The following PHIP variants were observed in gnomAD, a reference collection of about 807,000 sequenced individuals.
PHIP encodes PH-interacting protein.
Under a neutral mutation model 236.8 loss-of-function variants are expected in PHIP, and 54 were observed. The observed-to-expected ratio is 0.23, with a 90% CI of 0.18 to 0.29. The LOEUF (loss-of-function observed/expected upper bound fraction) is 0.29. Among genes scored for constraint, PHIP ranks in the 10% least tolerant of loss-of-function variants. The pLI is 1.00. For synonymous variants in PHIP, 756 were observed against 718.9 expected (o/e 1.05, Z -0.83); for missense variants, 1,370 against 2,190.8 (o/e 0.63, Z 7.48).
rs558195795 is a variant in PHIP at position 78,990,635 on chromosome 6, A to C, written c.2319+233T>G. 6.6e-5 allele frequency among the ~76,000 whole-genome samples: 10 copies of C among 152,302 alleles called. No individual in the cohort carries two copies. In the East Asian group the frequency reaches 1.7e-3, roughly 26 times the overall value. Reference sequence around the variant, plus strand: ...TGAGGCTTCAGTGTAATTTATTAGAATTTCATGAGTATGTAAGAATTGGCA... The same window carrying C: ...TGAGGCTTCAGTGTAATTTATTAGACTTTCATGAGTATGTAAGAATTGGCA... On this transcript the variant is annotated intron_variant, in intron 20 of 39. Coordinates refer to ENST00000275034, the MANE Select transcript of PHIP (RefSeq NM_017934.7).
chr6:79,008,026 G>A lies in PHIP; in HGVS notation c.1525-4168C>T, dbSNP rs190965063. ...AAATTAGCTGGGTGTGGTGGCGCTCGCATGTAGTCCCAGCTACTTGGGAGG... is the reference window on the plus strand; with the variant it reads ...AAATTAGCTGGGTGTGGTGGCGCTCACATGTAGTCCCAGCTACTTGGGAGG... On this transcript the variant is annotated intron_variant, in intron 15 of 39. Transcript: ENST00000275034. Among the ~76,000 whole-genome samples, 570 of 150,188 alleles carry A rather than the reference G, an allele frequency of 3.8e-3. 5 individuals carry two copies. The highest frequency in any genetic ancestry group is 0.012 in the African/African-American group (509 of 40,732).
chr6:78,979,641 G>A (rs763816021), intron 23 of PHIP, among the ~76,000 whole-genome samples: 9 of 151,590 alleles, frequency 5.9e-5, no homozygotes, highest in Non-Finnish European at 1.3e-4. Flanking sequence ...TTAGACTCAG[G>A]AAAAAAATGA....
chr6:78,940,554 T>TTG lies in PHIP; in HGVS notation c.*138_*139insCA. The TTG allele has an allele frequency of 5.7e-6, 1 of 174,894 alleles. No individual in the cohort carries two copies. Among genetic ancestry groups the TTG allele is most frequent in the Admixed American group, 6.7e-5 (1 of 14,826 alleles). 10.8% of individuals were successfully genotyped at this position (174,894 alleles called of 1,614,324 possible). ...TGAAGTGTCTCGTAAGTTTGTTTTT[T>TTG]TTTTTTTTTTTTTTTTTGCAAATCA... On this transcript the variant is annotated 3_prime_UTR_variant, in exon 40 of 40. Coordinates refer to ENST00000275034, the MANE Select transcript of PHIP (RefSeq NM_017934.7).
In PHIP at chr6:78,938,468, CTAT is replaced by C. The variant is rs954757706; in HGVS notation, c.*2222_*2224del. On this transcript the variant is annotated 3_prime_UTR_variant, in exon 40 of 40. Transcript: ENST00000275034. The stretch of plus-strand genomic sequence containing the variant: ...TTTTTACAAAAATTGATTTTATAGC[CTAT>C]TATTTTTTTCTTAACACAATGCAGA... 2.0e-5 allele frequency: 3 copies of C among 151,486 alleles called. No homozygotes were observed. The highest frequency in any genetic ancestry group is 6.6e-5 in the Admixed American group (1 of 15,206). 9.4% of individuals were successfully genotyped at this position (151,486 alleles called of 1,614,324 possible).
At chr6:78,975,888 T>C (rs1230380715) in intron 24 of PHIP, among the ~76,000 whole-genome samples, 1 of 149,726 alleles carries the variant, frequency 6.7e-6, no homozygotes, top group Admixed American at 6.6e-5. Context: ...TACAAACAAA[T>C]GGAAGAACAT....
chr6:79,006,569 C>G (rs1770302659), intron 15 of PHIP, among the ~76,000 whole-genome samples: 1 of 151,688 alleles, frequency 6.6e-6, no homozygotes, highest in Non-Finnish European at 1.5e-5. Flanking sequence ...AAGAAAATAC[C>G]CTCTCTCACC....
chr6:79,065,646 T>C (rs1186372413), intron 4 of PHIP, among the ~76,000 whole-genome samples: 1 of 152,080 alleles, frequency 6.6e-6, no homozygotes, highest in Non-Finnish European at 1.5e-5. Flanking sequence ...TGACTTTCCT[T>C]TATTAACTCA....
intron 6 of PHIP, among the ~76,000 whole-genome samples, chr6:79,048,562 G>A (rs1378210907): frequency 6.6e-6 from 1 of 152,004 alleles, no homozygotes; most frequent in East Asian, 1.9e-4. Flanking sequence ...AAGCACACAT[G>A]ATAAAGCTGC....
chr6:78,999,524 T>C (rs1205373637), intron 17 of PHIP, among the ~76,000 whole-genome samples: 1 of 152,098 alleles, frequency 6.6e-6, no homozygotes, highest in Non-Finnish European at 1.5e-5. Flanking sequence ...TTACCTTATC[T>C]AAATCTAGTA....
intron 13 of PHIP, 108 bp downstream of exon 13, chr6:79,016,436 G>A: frequency 1.9e-6 from 1 of 526,580 alleles, no homozygotes; most frequent in Non-Finnish European, 3.3e-6. Context: ...CAGAAAAGTA[G>A]TAATTTTAAC....
Position 78,955,246 on chromosome 6 carries a change from T to C in PHIP, c.3889A>G (p.Thr1297Ala), listed in dbSNP as rs1198510379. The C allele has an allele frequency of 1.2e-6, 2 of 1,608,408 alleles. No individual in the cohort carries two copies. The highest frequency in any genetic ancestry group is 1.7e-6 in the Non-Finnish European group (2 of 1,175,998). The change falls in exon 34 of 40, where the codon ACT (threonine) becomes GCT (alanine). Residue 1297 changes from threonine to alanine, a missense_variant. Thr to Ala is a moderately conservative substitution (Grantham distance 58, BLOSUM62 0). Transcript: ENST00000275034. The stretch of plus-strand genomic sequence containing the variant: ...AACTATATTACCTTCCTTTTTCGAG[T>C]AGAAGTTCCTGGCACATCAGCATCT... The part of the protein sequence containing the change: ...EKDADVPGTS[T>A]RKRKDHQPRR...
intron 19 of PHIP, among the ~76,000 whole-genome samples, chr6:78,993,814 C>T (rs1458881540): frequency 6.6e-6 from 1 of 152,136 alleles, no homozygotes. Context: ...ATTCTGCAGC[C>T]TATGGGTCAA....
intron 25 of PHIP, among the ~76,000 whole-genome samples, chr6:78,970,408 A>G (rs557099423): frequency 2.5e-4 from 38 of 152,288 alleles, no homozygotes; most frequent in Admixed American, 1.2e-3. Context: ...GAACTTTACT[A>G]AAGTATAGTT....
At chr6:79,016,371 G>C (rs540683167) in intron 13 of PHIP, among the ~76,000 whole-genome samples, 173 bp downstream of exon 13, 2 of 151,942 alleles carry the variant, frequency 1.3e-5, no homozygotes, top group East Asian at 3.9e-4. Flanking sequence ...ATATGCCAAT[G>C]AATCATTTCA....
intron 7 of PHIP, among the ~76,000 whole-genome samples, chr6:79,032,062 T>A (rs1297521099): frequency 6.6e-6 from 1 of 152,232 alleles, no homozygotes; most frequent in Non-Finnish European, 1.5e-5. Flanking sequence ...TACGTTTACA[T>A]TATGCTGCAG....
chr6:78,950,211 C>CCTTGTAT (rs1774066072), intron 35 of PHIP, among the ~76,000 whole-genome samples: 1 of 152,160 alleles, frequency 6.6e-6, no homozygotes, highest in Non-Finnish European at 1.5e-5. Flanking sequence ...ACTGAACCAT[C>CCTTGTAT]CTTGTATCTC....
intron 4 of PHIP, among the ~76,000 whole-genome samples, chr6:79,064,342 TC>T (rs1408903524): frequency 2.0e-5 from 3 of 151,986 alleles, no homozygotes; most frequent in Non-Finnish European, 4.4e-5. Flanking sequence ...ATCCAACACC[TC>T]CCCACCCAAA....
At chr6:79,076,409 G>A (rs1281354620) in intron 4 of PHIP, among the ~76,000 whole-genome samples, 2 of 152,104 alleles carry the variant, frequency 1.3e-5, no homozygotes, top group Non-Finnish European at 2.9e-5. Context: ...GGTGGGTCCG[G>A]TGCGACTGCT....
In PHIP at chr6:79,030,817, T is replaced by C. The variant is rs143729013; in HGVS notation, c.601-4653A>G. Reference sequence around the variant, plus strand: ...AACAGGTTTTAAGAAATCCATGGGGTGGGTACAAAATTTAAAATCTTTTTT... The same window carrying C: ...AACAGGTTTTAAGAAATCCATGGGGCGGGTACAAAATTTAAAATCTTTTTT... On this transcript the variant is annotated intron_variant, in intron 7 of 39. Coordinates refer to ENST00000275034, the MANE Select transcript of PHIP (RefSeq NM_017934.7). Among the ~76,000 whole-genome samples the C allele has an allele frequency of 6.3e-4, 96 of 152,272 alleles. 1 individual carries two copies. In the South Asian group the frequency reaches 8.1e-3, roughly 13 times the overall value.
Sources: gnomAD v4.1 joint callset for allele counts (sites outside exome capture counted in the v4.1 genomes callset) on GRCh38, gnomAD v4.1.1 for gene constraint, MANE v1.5 for transcripts, NCBI Gene and HGNC (gene_info 2026-07-23, HGNC 2026-07-21) for gene names.